Variants in DTYMK observed in about 807,000 individuals in gnomAD.
DTYMK encodes the protein deoxythymidylate kinase, also known as thymidylate kinase.
DTYMK carries 20 observed loss-of-function variants against 20.3 expected under a neutral mutation model. The observed-to-expected ratio is 0.99, with a 90% CI of 0.69 to 1.43. The LOEUF is 1.43. Ranked by LOEUF, DTYMK falls within the 40% of genes most tolerant of loss-of-function variation. The probability of loss-of-function intolerance (pLI) is 0.00; values close to 1 mark genes in which losing one functional copy is unlikely to be tolerated. For synonymous variants in DTYMK, 148 were observed against 124.4 expected, an observed-to-expected ratio of 1.19 and a Z score of -1.27; for missense variants, 320 against 291.1, an observed-to-expected ratio of 1.10 and a Z score of -0.72.
rs536925728 is a variant in DTYMK, at chr2:241,683,930, G to A, written c.239+1839C>T. On this transcript the variant is annotated intron_variant, in intron 2 of 4. Transcript: ENST00000305784. ...AAATTAGCTGTGCATGGTCGTACGC[G>A]CCTGTAATCCCAGCTACTCAGGAGG... 5.1e-4 allele frequency among the ~76,000 whole-genome samples: 78 copies of A among 152,084 alleles called. 1 individual carries two copies. Among genetic ancestry groups the A allele is most frequent in the African/African-American group, 1.8e-3 (73 of 41,478 alleles).
intron 4 of DTYMK, among the ~76,000 whole-genome samples, chr2:241,677,579 G>A (rs1406674516): frequency 1.3e-5 from 2 of 152,246 alleles, no homozygotes; most frequent in Non-Finnish European, 2.9e-5. Context: ...CCTGGCTGCC[G>A]CCTGGAAAGA....
intron 2 of DTYMK, chr2:241,684,852 C>T (rs1169225632): frequency 2.4e-6 from 1 of 421,516 alleles, no homozygotes; most frequent in South Asian, 1.8e-5. Flanking sequence ...TAACATAACA[C>T]AGCACATAAA....
Position 241,678,392 on chromosome 2 carries a change from C to G in DTYMK, c.528+60G>C, listed in dbSNP as rs1248547720. Reference sequence around the variant, plus strand: ...TTGCTGACACAACTGTGCCAGCCACCACGGTGTCATCCTGAGCCACTTCTC... The same window carrying G: ...TTGCTGACACAACTGTGCCAGCCACGACGGTGTCATCCTGAGCCACTTCTC... On this transcript the variant is annotated intron_variant, in intron 4 of 4. Coordinates refer to ENST00000305784, the MANE Select transcript of DTYMK (RefSeq NM_012145.4). 7 of 1,604,744 alleles carry G rather than the reference C, an allele frequency of 4.4e-6. No homozygotes were observed. The Admixed American group carries it at 8.4e-5, about 19-fold the overall frequency.
intron 2 of DTYMK, among the ~76,000 whole-genome samples, chr2:241,684,317 A>G (rs1366970696): frequency 6.6e-6 from 1 of 152,246 alleles, no homozygotes; most frequent in Non-Finnish European, 1.5e-5. Flanking sequence ...AATTGCCTCC[A>G]TAAATTCTAG....
intron 2 of DTYMK, among the ~76,000 whole-genome samples, chr2:241,684,440 C>G (rs1169288745): frequency 6.6e-6 from 1 of 152,182 alleles, no homozygotes; most frequent in East Asian, 1.9e-4. Flanking sequence ...TGCAGTGTTT[C>G]ATGTAACACG....
chr2:241,686,107 G>A (rs1458391908), intron 1 of DTYMK, among the ~76,000 whole-genome samples: 1 of 152,172 alleles, frequency 6.6e-6, no homozygotes, highest in Non-Finnish European at 1.5e-5. Flanking sequence ...AAAAGAACTC[G>A]GGTAGAAAGT....
chr2:241,686,516 A>C (rs75122573), intron 1 of DTYMK, 138 bp downstream of exon 1: 38,078 of 1,298,764 alleles, frequency 0.029, 2,080 homozygotes, highest in African/African-American at 0.23. Flanking sequence ...CCTGGGCGAC[A>C]CAGGGAAAGC....
chr2:241,680,511 C>T (rs2069233145), intron 2 of DTYMK, among the ~76,000 whole-genome samples, 192 bp from the exon 3 acceptor site: 2 of 152,034 alleles, frequency 1.3e-5, no homozygotes, highest in Admixed American at 6.6e-5. Flanking sequence ...CCTGTCTCTA[C>T]TAATACAAAA....
rs1421679950 is a variant in DTYMK, at chr2:241,685,842, AG to A, written c.165del (p.Tyr56ThrfsTer27). The A allele has an allele frequency of 6.2e-7, 1 of 1,614,242 alleles. No homozygotes were observed. Among genetic ancestry groups the A allele is most frequent in the Non-Finnish European group, 8.5e-7 (1 of 1,180,022 alleles). On this transcript the variant is annotated frameshift_variant, in exon 2 of 5. Coordinates refer to ENST00000305784, the MANE Select transcript of DTYMK (RefSeq NM_012145.4). LOFTEE classifies it high-confidence loss of function. ...RSTEIGKLLSSYLQKKSDVED... is the reference protein window; with the variant it reads ...RSTEIGKLLSXYLQKKSDVED... Reference sequence around the variant, plus strand: ...TCCACGTCACTTTTCTTTTGCAAGTAGGAACTCAGAAGTTTGCCGATTTCAG... The same window carrying A: ...TCCACGTCACTTTTCTTTTGCAAGTAGAACTCAGAAGTTTGCCGATTTCAG...
At chr2:241,680,668 A>G (rs1489070025) in intron 2 of DTYMK, among the ~76,000 whole-genome samples, 1 of 152,146 alleles carries the variant, frequency 6.6e-6, no homozygotes, top group African/African-American at 2.4e-5. Context: ...GCGAGACTCC[A>G]TCTCAAAAAA....
intron 2 of DTYMK, chr2:241,682,346 AAG>A (rs1330589729): frequency 7.8e-6 from 3 of 384,204 alleles, no homozygotes; most frequent in Middle Eastern, 3.6e-4. Flanking sequence ...AAAAAAAGAA[AAG>A]AGAGAAAGAG....
At chr2:241,680,463 T>G in intron 2 of DTYMK, 144 bp from the exon 3 acceptor site, 1 of 742,588 alleles carries the variant, frequency 1.3e-6, no homozygotes, top group Non-Finnish European at 2.2e-6. Flanking sequence ...GATCACAAGG[T>G]CAGGAGATCG....
intron 2 of DTYMK, among the ~76,000 whole-genome samples, chr2:241,683,767 T>A (rs942778613): frequency 6.6e-6 from 1 of 152,056 alleles, no homozygotes; most frequent in Admixed American, 6.6e-5. Context: ...AAAAAAGACA[T>A]GAACTATTGG....
rs1273344581 is a variant in DTYMK, at chr2:241,678,588, A to G, written c.392T>C (p.Leu131Pro). ...ATCCGCCAGCTGTAACTGGAGGAAC[A>G]GGACCAGGTCGGGTTTGGGAAGGCC... Reference protein sequence around the residue: ...DVGLPKPDLVLFLQLQLADAA... With the variant: ...DVGLPKPDLVPFLQLQLADAA... Residue 131 changes from leucine to proline, a missense_variant, in exon 4 of 5, where the codon CTG (leucine) becomes CCG (proline). Transcript: ENST00000305784. 2 of 1,614,222 alleles carry G rather than the reference A, an allele frequency of 1.2e-6. No individual in the cohort carries two copies. The highest frequency in any genetic ancestry group is 3.3e-5 in the Admixed American group (2 of 60,026).
At position 241,685,847 on chromosome 2, in the gene DTYMK, C is replaced by T. The variant is rs1559289426; in HGVS notation, c.161G>A (p.Ser54Asn). The T allele has an allele frequency of 3.1e-6, 5 of 1,614,170 alleles. No individual in the cohort carries two copies. The South Asian group carries it at 5.5e-5, about 18-fold the overall frequency. ...ERSTEIGKLL[S>N]SYLQKKSDVE... ...GTCACTTTTCTTTTGCAAGTAGGAA[C>T]TCAGAAGTTTGCCGATTTCAGTTGA... The change falls in exon 2 of 5, where the codon AGT (serine) becomes AAT (asparagine). Residue 54 changes from serine to asparagine, a missense_variant. Ser to Asn is a conservative substitution (Grantham distance 46). Transcript: ENST00000305784.
rs953444820 is a variant in DTYMK, at chr2:241,678,323, CG to C, written c.528+128del. The C allele has an allele frequency of 8.3e-6, 11 of 1,317,498 alleles. No individual in the cohort carries two copies. The African/African-American group carries it at 1.6e-4, about 19-fold the overall frequency. 81.6% of individuals were successfully genotyped at this position (1,317,498 alleles called of 1,614,324 possible). ...CCGAGAACCCCTGAACGACTACTCCCGGGGCTCCACATCTGGGAGGACCAGA... is the reference window on the plus strand; with the variant it reads ...CCGAGAACCCCTGAACGACTACTCCCGGGCTCCACATCTGGGAGGACCAGA... On this transcript the variant is annotated intron_variant, in intron 4 of 4. Transcript: ENST00000305784.
chr2:241,679,041 G>A (rs1295210199), intron 3 of DTYMK, among the ~76,000 whole-genome samples: 3 of 152,174 alleles, frequency 2.0e-5, no homozygotes, highest in Non-Finnish European at 2.9e-5. Context: ...ACACAGGCAC[G>A]AGGTCCTTGG....
chr2:241,685,768 C>A lies in DTYMK; in HGVS notation c.239+1G>T. The A allele has an allele frequency of 1.2e-6, 2 of 1,613,936 alleles. No individual in the cohort carries two copies. Among genetic ancestry groups the A allele is most frequent in the East Asian group, 4.5e-5 (2 of 44,886 alleles). Reference sequence around the variant, plus strand: ...AGGGAGCAGTGTGCAATGGTTTTTACACTTGTTCCCAGCGATTTGCAGAAA... The same window carrying A: ...AGGGAGCAGTGTGCAATGGTTTTTAAACTTGTTCCCAGCGATTTGCAGAAA... On this transcript the variant is annotated splice_donor_variant, in intron 2 of 4. Transcript: ENST00000305784. LOFTEE classifies it high-confidence loss of function.
chr2:241,678,301 A>G, intron 4 of DTYMK, 151 bp downstream of exon 4: 1 of 1,094,282 alleles, frequency 9.1e-7, no homozygotes, highest in Non-Finnish European at 1.3e-6. Context: ...GCTGGCACCG[A>G]GAACCCCTGA....
Sources: gnomAD v4.1 joint callset for allele counts (sites outside exome capture counted in the v4.1 genomes callset) on GRCh38, gnomAD v4.1.1 for gene constraint, MANE v1.5 for transcripts, NCBI Gene and HGNC (gene_info 2026-07-23, HGNC 2026-07-21) for gene names.